SFMBT1: variants seen among roughly 807,000 people sequenced by gnomAD.
SFMBT1 encodes scm-like with four MBT domains protein 1.
In SFMBT1, 32 loss-of-function variants were observed where a neutral mutation model predicts 108.7. The ratio of observed to expected loss-of-function variants is 0.29; its 90% CI spans 0.22 to 0.40. The LOEUF is 0.40. SFMBT1 is among the 10% of genes least tolerant of loss of function. The pLI, the probability that SFMBT1 is intolerant of heterozygous loss-of-function variation, is 1.00. For synonymous variants in SFMBT1, 348 were observed against 369.5 expected (o/e 0.94, Z 0.67); for missense variants, 816 against 1,059.6 (o/e 0.77, Z 3.19).
Position 52,920,489 on chromosome 3 carries a change from A to G in SFMBT1, c.1372+48T>C, listed in dbSNP as rs550636470. 7.9e-6 allele frequency: 11 copies of G among 1,384,402 alleles called. No individual in the cohort carries two copies. In the African/African-American group the frequency reaches 1.3e-4, roughly 16 times the overall value. 85.8% of individuals were successfully genotyped at this position (1,384,402 alleles called of 1,614,324 possible). A position where few individuals can be genotyped will look rare whatever the true frequency, so the allele number is the denominator to read the frequency against. The stretch of plus-strand genomic sequence containing the variant: ...TAGTTTTAATTGGCAGCAGCCACAC[A>G]GAAGATTATTTAACAATCAATCCTC... On this transcript the variant is annotated intron_variant, in intron 12 of 20. Coordinates refer to ENST00000394752, the MANE Select transcript of SFMBT1 (RefSeq NM_016329.4).
chr3:52,941,087 C>A lies in SFMBT1; in HGVS notation c.364+2266G>T, dbSNP rs142908678. Reference sequence around the variant, plus strand: ...CACGACAACTAAATGCAATGTGATTCTAGACAGGAATCTTGGACCAGGAAA... The same window carrying A: ...CACGACAACTAAATGCAATGTGATTATAGACAGGAATCTTGGACCAGGAAA... On this transcript the variant is annotated intron_variant, in intron 4 of 20. Coordinates refer to ENST00000394752, the MANE Select transcript of SFMBT1 (RefSeq NM_016329.4). Among the ~76,000 whole-genome samples, 468 of 152,262 alleles carry A rather than the reference C, an allele frequency of 3.1e-3. 3 individuals are homozygous for A. Among genetic ancestry groups the A allele is most frequent in the African/African-American group, 0.01 (427 of 41,536 alleles).
chr3:52,918,099 A>C (rs1369243348), intron 13 of SFMBT1, among the ~76,000 whole-genome samples: 2 of 152,176 alleles, frequency 1.3e-5, no homozygotes, highest in Non-Finnish European at 2.9e-5. Context: ...ACTCCTTTGA[A>C]TGTGCCTTTT....
chr3:52,945,142 A>AAAAAAAAAAAAAAAAAAAAAAC (rs1559521034), intron 3 of SFMBT1, among the ~76,000 whole-genome samples: 1 of 147,030 alleles, frequency 6.8e-6, no homozygotes, highest in African/African-American at 2.5e-5. Flanking sequence ...CAATTAAAAA[A>AAAAAAAAAAAAAAAAAAAAAAC]AAAAAAAAAC....
At chr3:52,994,674 ATT>A (rs1469752079) in intron 1 of SFMBT1, among the ~76,000 whole-genome samples, 3 of 150,028 alleles carry the variant, frequency 2.0e-5, no homozygotes, top group Non-Finnish European at 4.5e-5. Flanking sequence ...TAATTTTTAT[ATT>A]TTTAGTAGAG....
chr3:52,989,752 C>G (rs1250945452), intron 1 of SFMBT1, among the ~76,000 whole-genome samples: 1 of 151,504 alleles, frequency 6.6e-6, no homozygotes, highest in Non-Finnish European at 1.5e-5. Flanking sequence ...CAAGGTCACG[C>G]CACTGCACTC....
At chr3:52,928,573 CATATAT>C (rs949880119) in intron 8 of SFMBT1, 1 of 190,376 alleles carries the variant, frequency 5.3e-6, no homozygotes, top group Non-Finnish European at 1.0e-5. Context: ...AGTACATATA[CATATAT>C]ATACATATAT....
chr3:52,998,280 T>C (rs1005801495), intron 1 of SFMBT1, among the ~76,000 whole-genome samples: 2 of 149,962 alleles, frequency 1.3e-5, no homozygotes, highest in African/African-American at 4.8e-5. Context: ...TAGTCCCAGC[T>C]ACTCCGGAGG....
At chr3:52,986,424 T>C (rs1704917376) in intron 1 of SFMBT1, among the ~76,000 whole-genome samples, 2 of 152,154 alleles carry the variant, frequency 1.3e-5, no homozygotes, top group South Asian at 2.1e-4. Flanking sequence ...TTTTTGACTT[T>C]CTTGTAATAA....
intron 17 of SFMBT1, among the ~76,000 whole-genome samples, chr3:52,909,133 C>T (rs1314303684): frequency 6.6e-6 from 1 of 152,164 alleles, no homozygotes; most frequent in Non-Finnish European, 1.5e-5. Context: ...ATCCATTTGA[C>T]ATCATTCAAA....
At chr3:53,041,902 C>T (rs1345147773) in intron 1 of SFMBT1, among the ~76,000 whole-genome samples, 1 of 151,842 alleles carries the variant, frequency 6.6e-6, no homozygotes, top group Admixed American at 6.6e-5. Flanking sequence ...TACAAAATAT[C>T]CCAGTTAGGT....
chr3:52,929,342 C>T (rs1209102051), intron 8 of SFMBT1, among the ~76,000 whole-genome samples: 4 of 152,102 alleles, frequency 2.6e-5, no homozygotes, highest in South Asian at 2.1e-4. Context: ...CGGGTTCAAG[C>T]GATTCTCTCA....
intron 2 of SFMBT1, among the ~76,000 whole-genome samples, chr3:52,963,404 G>T (rs1247615171): frequency 6.6e-6 from 1 of 151,978 alleles, no homozygotes; most frequent in South Asian, 2.1e-4. Context: ...GCTAACTGTT[G>T]GTGGGAAAAC....
chr3:52,916,193 G>A lies in SFMBT1; in HGVS notation c.1437C>T (p.Val479=), dbSNP rs1404368612. Residue 479 remains valine (V), a synonymous_variant, in exon 14 of 21, where the codon GTC becomes GTT. Transcript: ENST00000394752. Reference sequence around the variant, plus strand: ...GCTCCTGATTCCTCAGGCCCTCGTGGACAGTCCTCGAGGATGGTACTCTGG... The same window carrying A: ...GCTCCTGATTCCTCAGGCCCTCGTGAACAGTCCTCGAGGATGGTACTCTGG... ...PEKQVPSSRT[V]HEGLRNQELN... 6.2e-7 allele frequency: 1 copy of A among 1,613,912 alleles called. No homozygotes were observed. Among genetic ancestry groups the A allele is most frequent in the Admixed American group, 1.7e-5 (1 of 59,998 alleles).
At chr3:53,020,912 G>A (rs1699283496) in intron 1 of SFMBT1, among the ~76,000 whole-genome samples, 1 of 152,116 alleles carries the variant, frequency 6.6e-6, no homozygotes, top group South Asian at 2.1e-4. Flanking sequence ...CAAAAAATTA[G>A]CCAGGCATGG....
chr3:52,963,608 C>T (rs1704036727), intron 2 of SFMBT1, among the ~76,000 whole-genome samples: 1 of 151,974 alleles, frequency 6.6e-6, no homozygotes, highest in Admixed American at 6.6e-5. Flanking sequence ...GCCACTGCAC[C>T]TGGCTAATTT....
At chr3:53,000,201 T>C (rs911618760) in intron 1 of SFMBT1, among the ~76,000 whole-genome samples, 1 of 149,758 alleles carries the variant, frequency 6.7e-6, no homozygotes, top group African/African-American at 2.4e-5. Flanking sequence ...ACTCACTGCT[T>C]TAAGCATACA....
At chr3:52,993,244 A>G (rs1705201128) in intron 1 of SFMBT1, among the ~76,000 whole-genome samples, 1 of 143,938 alleles carries the variant, frequency 6.9e-6, no homozygotes, top group African/African-American at 2.5e-5. Context: ...TGTAGTCCAT[A>G]TGCTAAATGG....
At position 53,000,543 on chromosome 3, in the gene SFMBT1, G is replaced by C. The variant is rs560685945; in HGVS notation, c.-130-31285C>G. Among the ~76,000 whole-genome samples the C allele has an allele frequency of 3.7e-4, 55 of 149,348 alleles. 4 individuals carry two copies. Among genetic ancestry groups the C allele is most frequent in the South Asian group, 4.2e-4 (2 of 4,706 alleles). On this transcript the variant is annotated intron_variant, in intron 1 of 20. Coordinates refer to ENST00000394752, the MANE Select transcript of SFMBT1 (RefSeq NM_016329.4). ...CAATAGAGCCTCAAATGTTTCACAG[G>C]GGACTATATAAATACATATATATGC... is the stretch of plus-strand genomic sequence containing the variant.
chr3:52,989,323 C>T (rs1048321932), intron 1 of SFMBT1, among the ~76,000 whole-genome samples: 1 of 150,742 alleles, frequency 6.6e-6, no homozygotes, highest in African/African-American at 2.4e-5. Flanking sequence ...AGAAACATGC[C>T]TTTTGGGAGG....
Sources: allele counts gnomAD v4.1 joint callset (sites outside exome capture counted in the v4.1 genomes callset), GRCh38; gene constraint gnomAD v4.1.1; transcripts MANE v1.5; gene names NCBI Gene and HGNC (gene_info 2026-07-23, HGNC 2026-07-21).